The following AFF3 variants were observed in gnomAD, a reference collection of about 807,000 sequenced individuals.
The protein encoded by AFF3 is AF4/FMR2 family member 3.
In AFF3, 32 loss-of-function variants were observed where a neutral mutation model predicts 129.7. The observed-to-expected ratio is 0.25, with a 90% confidence interval of 0.19 to 0.33. AFF3 has a LOEUF of 0.33. Ranked by LOEUF, AFF3 falls within the 10% of genes least tolerant of loss-of-function variation. The probability of loss-of-function intolerance (pLI) is 1.00; values close to 1 mark genes in which losing one functional copy is unlikely to be tolerated. For synonymous variants in AFF3, 644 were observed against 635.4 expected, an observed-to-expected ratio of 1.01 and a Z score of -0.20; for missense variants, 1,373 against 1,592.0, an observed-to-expected ratio of 0.86 and a Z score of 2.34.
At chr2:100,137,536 T>TAC (rs3038476) in intron 1 of AFF3, among the ~76,000 whole-genome samples, 30,059 of 143,822 alleles carry the variant, frequency 0.21, 3,033 homozygotes, top group Non-Finnish European at 0.24. Flanking sequence ...CACACGTGCA[T>TAC]ACACACACAC....
At chr2:99,823,265 G>A (rs1373884058) in intron 8 of AFF3, among the ~76,000 whole-genome samples, 1 of 87,490 alleles carries the variant, frequency 1.1e-5, no homozygotes, top group African/African-American at 4.5e-5. Context: ...CCAACCCCCC[G>A]CCCGCCCCAA....
chr2:99,678,162 T>C (rs1454328779), intron 11 of AFF3, among the ~76,000 whole-genome samples: 2 of 152,224 alleles, frequency 1.3e-5, no homozygotes. Flanking sequence ...CAAATACAAC[T>C]TTTGCAGAAC....
At chr2:99,855,594 T>C (rs186492816) in intron 7 of AFF3, among the ~76,000 whole-genome samples, 80 of 152,246 alleles carry the variant, frequency 5.3e-4, no homozygotes, top group African/African-American at 1.9e-3. Context: ...GGTGAAGTAT[T>C]AAAAAAATTT....
Position 99,568,908 on chromosome 2 carries a change from T to G in AFF3, c.2926A>C (p.Ser976Arg). 3 of 1,614,098 alleles carry G rather than the reference T, an allele frequency of 1.9e-6. No individual in the cohort carries two copies. Among genetic ancestry groups the G allele is most frequent in the Non-Finnish European group, 2.5e-6 (3 of 1,179,944 alleles). Residue 976 changes from serine (S) to arginine (R), a missense_variant, in exon 19 of 25, where the codon AGT (serine) becomes CGT (arginine). This residue lies in a region of AFF3 where 65 missense variants were observed against 102.1 expected (regional missense o/e 0.64). Coordinates refer to ENST00000672756, the MANE Select transcript of AFF3 (RefSeq NM_001386135.1). ...QKLVFDDMPR[S>R]ADYFMQEAKR... ...GCTTCTTGCATAAAATAATCGGCAC[T>G]GCGAGGCCTACAAGGAGAGAATGAT...
At chr2:99,916,873 C>A (rs1028177832) in intron 7 of AFF3, among the ~76,000 whole-genome samples, 7 of 152,090 alleles carry the variant, frequency 4.6e-5, no homozygotes, top group African/African-American at 1.7e-4. Flanking sequence ...GGCAAAGACA[C>A]CTGCAAAGAT....
At chr2:99,635,202 T>C (rs1683537417) in intron 13 of AFF3, among the ~76,000 whole-genome samples, 1 of 151,796 alleles carries the variant, frequency 6.6e-6, no homozygotes, top group Non-Finnish European at 1.5e-5. Context: ...CACATCTCTA[T>C]GTATATGATA....
rs528577976 is a variant in AFF3 at position 99,997,277 on chromosome 2, C to T, written c.873+9355G>A. ...AGTAAGTAAACTCTTGCTCTTGCCC[C>T]CAAAACCTGCCTCACACATAGTTTT... On this transcript the variant is annotated intron_variant, in intron 7 of 24. Transcript: ENST00000672756. 4.6e-5 allele frequency among the ~76,000 whole-genome samples: 7 copies of T among 152,268 alleles called. No homozygotes were observed. The East Asian group carries it at 1.4e-3, about 29-fold the overall frequency.
intron 7 of AFF3, among the ~76,000 whole-genome samples, chr2:99,886,582 C>T (rs1011422171): frequency 6.6e-6 from 1 of 152,114 alleles, no homozygotes; most frequent in Non-Finnish European, 1.5e-5. Flanking sequence ...AAAAGATGCA[C>T]ATTTGCCATT....
Position 99,976,337 on chromosome 2 carries a change from G to A in AFF3, c.873+30295C>T, listed in dbSNP as rs115291833. On this transcript the variant is annotated intron_variant, in intron 7 of 24. Transcript: ENST00000672756. ...TGTCACTTTCATCTCTGATTAAAAC[G>A]CATCCTATTTTAGGTTTTGAGATTA... Among the ~76,000 whole-genome samples, 803 of 152,054 alleles carry A rather than the reference G, an allele frequency of 5.3e-3. 8 individuals are homozygous for A. The highest frequency in any genetic ancestry group is 0.018 in the African/African-American group (750 of 41,486).
intron 13 of AFF3, among the ~76,000 whole-genome samples, chr2:99,615,688 C>T (rs980061646): frequency 3.3e-5 from 5 of 152,218 alleles, no homozygotes; most frequent in African/African-American, 1.2e-4. Flanking sequence ...GGAGGCGCTG[C>T]CTCTTTGGAG....
At chr2:99,672,685 G>T in intron 11 of AFF3, 96 bp from the exon 12 acceptor site, 1 of 1,161,438 alleles carries the variant, frequency 8.6e-7, no homozygotes, top group Non-Finnish European at 1.3e-6. Flanking sequence ...TGTTATTAGA[G>T]CAACATTTTG....
intron 17 of AFF3, among the ~76,000 whole-genome samples, chr2:99,579,234 C>CT (rs1677285234): frequency 6.7e-6 from 1 of 148,234 alleles, no homozygotes; most frequent in Non-Finnish European, 1.5e-5. Context: ...GGTGAAACTC[C>CT]GTCTCTACTA....
intron 8 of AFF3, among the ~76,000 whole-genome samples, chr2:99,794,865 G>A (rs1276292245): frequency 6.6e-6 from 1 of 152,112 alleles, no homozygotes; most frequent in East Asian, 1.9e-4. Context: ...TCCAATGTCT[G>A]AAAACAGTGA....
rs187611392 is a variant in AFF3, at chr2:100,056,711, A to G, written c.53+47691T>C. Among the ~76,000 whole-genome samples, 191 of 152,238 alleles carry G rather than the reference A, an allele frequency of 1.3e-3. 2 individuals carry two copies. Among genetic ancestry groups the G allele is most frequent in the Non-Finnish European group, 1.5e-4 (10 of 68,014 alleles). On this transcript the variant is annotated intron_variant, in intron 4 of 24. Coordinates refer to ENST00000672756, the MANE Select transcript of AFF3 (RefSeq NM_001386135.1). ...GAAGTTGAGCAGTTCTGTTTTGTCC[A>G]TGTCATTTGTTTACTCTATACCATC...
At chr2:99,947,523 G>A (rs537839598) in intron 7 of AFF3, among the ~76,000 whole-genome samples, 12 of 96,504 alleles carry the variant, frequency 1.2e-4, no homozygotes, top group African/African-American at 6.9e-4. Flanking sequence ...GAGAGAGAGA[G>A]AAAGAAAGAA....
intron 4 of AFF3, among the ~76,000 whole-genome samples, chr2:100,065,268 G>C (rs779355337): frequency 7.2e-5 from 11 of 152,104 alleles, no homozygotes; most frequent in Non-Finnish European, 1.3e-4. Flanking sequence ...TTTTTAAAAG[G>C]ATATAAATGA....
chr2:99,837,549 A>C (rs1233233986), intron 7 of AFF3, 25 bp from the exon 8 acceptor site: 15 of 1,606,700 alleles, frequency 9.3e-6, no homozygotes, highest in Non-Finnish European at 1.3e-5. Flanking sequence ...AAAAAAATTA[A>C]GCCTGATGGA....
intron 4 of AFF3, among the ~76,000 whole-genome samples, chr2:100,019,393 G>A (rs527617892): frequency 2.0e-5 from 3 of 152,294 alleles, no homozygotes; most frequent in South Asian, 2.1e-4. Context: ...AAATGGAACC[G>A]ACTTTTCAAA....
rs891082407 is a variant in AFF3, at chr2:99,565,369, G to A, written c.3119+118C>T. ...CGACCTTACCCTCTTATTTTGGGGG[G>A]ATGAACACTGGTTCCTGGTGGGGGA... is the stretch of plus-strand genomic sequence containing the variant. On this transcript the variant is annotated intron_variant, in intron 20 of 24. Transcript: ENST00000672756. The A allele has an allele frequency of 3.5e-6, 5 of 1,416,946 alleles. No homozygotes were observed. The South Asian group carries it at 4.0e-5, about 11-fold the overall frequency. The allele number at this position is 1,416,946 out of a possible 1,614,324, so 87.8% of individuals were successfully genotyped here.
Sources: gnomAD v4.1 joint callset for allele counts (sites outside exome capture counted in the v4.1 genomes callset) on GRCh38, gnomAD v4.1.1 for gene constraint, gnomAD v4.1.1 regional missense constraint, MANE v1.5 for transcripts, NCBI Gene and HGNC (gene_info 2026-07-23, HGNC 2026-07-21) for gene names.